The following ANKRD28 variants were observed in gnomAD, a reference collection of about 807,000 sequenced individuals.
ANKRD28 encodes the protein serine/threonine-protein phosphatase 6 regulatory ankyrin repeat subunit A.
ANKRD28 carries 44 observed loss-of-function variants against 126.5 expected under a neutral mutation model. The observed-to-expected ratio is 0.35, with a 90% CI of 0.27 to 0.45. ANKRD28 has a LOEUF of 0.45. Among genes scored for constraint, ANKRD28 ranks in the 20% least tolerant of loss-of-function variants. ANKRD28 has a pLI of 1.00. For synonymous variants in ANKRD28, 442 were observed against 468.5 expected (o/e 0.94, Z 0.73); for missense variants, 1,110 against 1,316.6 (o/e 0.84, Z 2.43).
intron 4 of ANKRD28, among the ~76,000 whole-genome samples, chr3:15,744,041 C>A (rs2057307783): frequency 6.6e-6 from 1 of 152,180 alleles, no homozygotes; most frequent in East Asian, 1.9e-4. Flanking sequence ...CTTTCTGTGG[C>A]CATAGCTATA....
intron 1 of ANKRD28, among the ~76,000 whole-genome samples, chr3:15,807,983 A>T (rs2060625136): frequency 1.3e-5 from 2 of 152,214 alleles, no homozygotes; most frequent in Admixed American, 1.3e-4. Context: ...CACTTTATGT[A>T]CATTCACTTA....
chr3:15,826,018 A>G (rs1264971312), intron 1 of ANKRD28, among the ~76,000 whole-genome samples: 5 of 152,134 alleles, frequency 3.3e-5, no homozygotes, highest in African/African-American at 9.7e-5. Flanking sequence ...CCCTCTGAAG[A>G]AAATAATAAT....
intron 21 of ANKRD28, among the ~76,000 whole-genome samples, chr3:15,682,605 A>G (rs2067662939): frequency 6.6e-6 from 1 of 152,174 alleles, no homozygotes; most frequent in Admixed American, 6.5e-5. Context: ...GAAATTGTGA[A>G]CTTTTAGTAT....
rs767046617 is a variant in ANKRD28 at position 15,670,463 on chromosome 3, C to T, written c.3059G>A (p.Ser1020Asn). ...ATTGAATGTTAAGGATGATAAAGGA[C>T]TACTTGATGAGACAGGCATCATGGT... Reference protein sequence around the residue: ...LATMMPVSSSSPLSSLTFNAI... With the variant: ...LATMMPVSSSNPLSSLTFNAI... The change falls in exon 28 of 28, where the codon AGT (serine) becomes AAT (asparagine). Residue 1020 changes from serine to asparagine, a missense_variant. By Grantham distance (46) the Ser-to-Asn change is conservative. Coordinates refer to ENST00000683139, the MANE Select transcript of ANKRD28 (RefSeq NM_001349278.2). 8 of 1,613,812 alleles carry T rather than the reference C, an allele frequency of 5.0e-6. No homozygotes were observed. In the Admixed American group the frequency reaches 1.3e-4, roughly 27 times the overall value.
intron 3 of ANKRD28, among the ~76,000 whole-genome samples, chr3:15,755,886 T>C (rs918324263): frequency 6.6e-6 from 1 of 152,214 alleles, no homozygotes; most frequent in African/African-American, 2.4e-5. Context: ...TTGTTGAAGT[T>C]AGGTTACTGG....
At chr3:15,807,060 A>G (rs2060598447) in intron 1 of ANKRD28, among the ~76,000 whole-genome samples, 1 of 152,212 alleles carries the variant, frequency 6.6e-6, no homozygotes, top group South Asian at 2.1e-4. Context: ...CGCTCCTTTC[A>G]GCTTTTCCCT....
At chr3:15,831,111 C>T (rs573661219) in intron 1 of ANKRD28, among the ~76,000 whole-genome samples, 14 of 152,250 alleles carry the variant, frequency 9.2e-5, no homozygotes, top group African/African-American at 3.4e-4. Flanking sequence ...AATCCGTATT[C>T]TTTTGATGTA....
chr3:15,687,939 A>G (rs183197736), intron 18 of ANKRD28, among the ~76,000 whole-genome samples: 126 of 152,200 alleles, frequency 8.3e-4, no homozygotes, highest in African/African-American at 2.9e-3. Context: ...AACCTCCAGG[A>G]AAAAAAACCC....
rs2060337959 is a variant in ANKRD28 at position 15,797,642 on chromosome 3, AAC to A, written c.-1123_-1122del. On this transcript the variant is annotated 5_prime_UTR_variant, in exon 1 of 28. The change abolishes the stop of an existing upstream ORF in the 5' untranslated region. Transcript: ENST00000683139. The stretch of plus-strand genomic sequence containing the variant: ...CTCCACATGAATACAGCTTCCATTA[AAC>A]AGTCTTCATTCAGAGAAAAAAATAG... 1.0e-6 allele frequency: 1 copy of A among 985,374 alleles called. No homozygotes were observed. Among genetic ancestry groups the A allele is most frequent in the Non-Finnish European group, 1.2e-6 (1 of 829,922 alleles). The allele number at this position is 985,374 out of a possible 1,614,324, so 61.0% of individuals were successfully genotyped here.
chr3:15,670,584 T>TA lies in ANKRD28; in HGVS notation c.2966-29dup, dbSNP rs1559300534. 1.9e-6 allele frequency: 3 copies of TA among 1,595,764 alleles called. No individual in the cohort carries two copies. The Admixed American group carries it at 5.2e-5, about 28-fold the overall frequency. On this transcript the variant is annotated intron_variant, in intron 27 of 27. Transcript: ENST00000683139. ...AGAATTAAAGATAAAATTTAAAAATTAAGCATCCTGAGATGTATTTCACCA... is the reference window on the plus strand; with the variant it reads ...AGAATTAAAGATAAAATTTAAAAATTAAAGCATCCTGAGATGTATTTCACCA...
chr3:15,681,496 G>A (rs1187205386), intron 21 of ANKRD28, among the ~76,000 whole-genome samples: 12 of 151,998 alleles, frequency 7.9e-5, no homozygotes, highest in Admixed American at 7.2e-4. Context: ...ATAAAATGTT[G>A]CTTATTTTAT....
chr3:15,764,284 T>C (rs1160106194), intron 3 of ANKRD28, among the ~76,000 whole-genome samples: 1 of 152,194 alleles, frequency 6.6e-6, no homozygotes, highest in Admixed American at 6.5e-5. Flanking sequence ...AGTATCATGG[T>C]TAATTTTACA....
intron 1 of ANKRD28, among the ~76,000 whole-genome samples, chr3:15,807,191 T>C (rs2060602432): frequency 6.6e-6 from 1 of 152,218 alleles, no homozygotes; most frequent in Admixed American, 6.5e-5. Context: ...TATCCTTCCG[T>C]GTCTCCCTTT....
At chr3:15,762,419 C>A (rs1697934319) in intron 3 of ANKRD28, among the ~76,000 whole-genome samples, 1 of 152,090 alleles carries the variant, frequency 6.6e-6, no homozygotes, top group African/African-American at 2.4e-5. Context: ...CAAATACCTA[C>A]CCTGTTCAGG....
chr3:15,799,587 G>C (rs1039888241), upstream of ANKRD28, among the ~76,000 whole-genome samples: 1 of 151,964 alleles, frequency 6.6e-6, no homozygotes, highest in Non-Finnish European at 1.5e-5. Context: ...CTTAATATTT[G>C]AAATATCTGA....
intron 24 of ANKRD28, 94 bp from the exon 25 acceptor site, chr3:15,677,656 A>G (rs1298807304): frequency 2.3e-6 from 2 of 873,374 alleles, no homozygotes; most frequent in Non-Finnish European, 3.5e-6. Context: ...ACAAAGCAAA[A>G]AAGTCCCTCT....
intron 2 of ANKRD28, among the ~76,000 whole-genome samples, chr3:15,779,651 A>C (rs1368326956): frequency 6.6e-6 from 1 of 152,190 alleles, no homozygotes; most frequent in Non-Finnish European, 1.5e-5. Context: ...TGATTTAACT[A>C]CTTAATCTTT....
In ANKRD28 at chr3:15,838,252, C is replaced by G. The variant is rs748748619; in HGVS notation, c.27+21125G>C. On this transcript the variant is annotated intron_variant, in intron 1 of 27. Transcript: ENST00000399451. This position sits in a 1 kb window ranked among gnomAD's most constrained non-coding sequence, Gnocchi z 4.0. The stretch of plus-strand genomic sequence containing the variant: ...TAGATACTTCAATAGAAAACACTTT[C>G]TAATTCCCTCCATGAGGCTAACATT... Among the ~76,000 whole-genome samples, 5 of 152,288 alleles carry G rather than the reference C, an allele frequency of 3.3e-5. No homozygotes were observed. Among genetic ancestry groups the G allele is most frequent in the Admixed American group, 2.6e-4 (4 of 15,288 alleles).
intron 1 of ANKRD28, among the ~76,000 whole-genome samples, chr3:15,810,380 G>T (rs929769282): frequency 2.6e-5 from 4 of 151,844 alleles, no homozygotes; most frequent in Non-Finnish European, 4.4e-5. Context: ...ATAATGTGAG[G>T]CCTATAAAAA....
Sources: gnomAD v4.1 joint callset for allele counts (sites outside exome capture counted in the v4.1 genomes callset) on GRCh38, gnomAD v4.1.1 for gene constraint, Gnocchi (gnomAD v3.1) non-coding constraint, MANE v1.5 for transcripts, NCBI Gene and HGNC (gene_info 2026-07-23, HGNC 2026-07-21) for gene names.